TENM4: variants seen among roughly 807,000 people sequenced by gnomAD.
TENM4 encodes the protein teneurin transmembrane protein 4.
Under a neutral mutation model 243.3 loss-of-function variants are expected in TENM4, and 82 were observed. That is an observed-to-expected ratio of 0.34 (90% CI 0.28 to 0.40). The LOEUF (loss-of-function observed/expected upper bound fraction) is 0.40. Among genes scored for constraint, TENM4 ranks in the 10% least tolerant of loss-of-function variants. The pLI is 1.00. For synonymous variants in TENM4, 1,412 were observed against 1,456.3 expected, an observed-to-expected ratio of 0.97 and a Z score of 0.69; for missense variants, 3,138 against 3,673.3, an observed-to-expected ratio of 0.85 and a Z score of 3.77.
intron 1 of TENM4, among the ~76,000 whole-genome samples, chr11:79,336,226 G>C (rs562102395): frequency 1.3e-5 from 2 of 152,286 alleles, no homozygotes; most frequent in African/African-American, 4.8e-5. Context: ...AGTCCATAGA[G>C]CCCAAATCAT....
chr11:78,690,351 G>T (rs1377739826), intron 28 of TENM4, among the ~76,000 whole-genome samples: 3 of 152,164 alleles, frequency 2.0e-5, no homozygotes, highest in Admixed American at 2.0e-4. Flanking sequence ...ACCATTTGTG[G>T]CCACTGGAAA....
intron 4 of TENM4, among the ~76,000 whole-genome samples, chr11:79,078,981 T>C (rs1365101818): frequency 6.6e-6 from 1 of 152,244 alleles, no homozygotes; most frequent in African/African-American, 2.4e-5. Flanking sequence ...AATGTTCTAT[T>C]TGTTCTTTCA....
intron 6 of TENM4, among the ~76,000 whole-genome samples, chr11:78,930,680 T>C (rs189672969): frequency 2.0e-5 from 3 of 152,366 alleles, no homozygotes; most frequent in Admixed American, 2.0e-4. Flanking sequence ...TTGCTGAATG[T>C]GACAAAGGTC....
intron 17 of TENM4, among the ~76,000 whole-genome samples, chr11:78,772,631 GC>G (rs1415388032): frequency 1.1e-4 from 17 of 150,308 alleles, no homozygotes; most frequent in Admixed American, 1.1e-3. Context: ...GGCCAAGATA[GC>G]CACTCACTAA....
intron 1 of TENM4, among the ~76,000 whole-genome samples, chr11:79,394,410 T>A (rs1208973924): frequency 6.6e-6 from 1 of 152,190 alleles, no homozygotes; most frequent in Non-Finnish European, 1.5e-5. Context: ...CTTCTGTCAC[T>A]TCTACACTGT....
intron 6 of TENM4, among the ~76,000 whole-genome samples, chr11:78,983,789 G>A (rs1857857624): frequency 6.6e-6 from 1 of 152,140 alleles, no homozygotes; most frequent in Non-Finnish European, 1.5e-5. Flanking sequence ...ATCCTGTGGG[G>A]GTGGGGCTGG....
At chr11:78,877,015 C>T (rs1859284166) in intron 9 of TENM4, among the ~76,000 whole-genome samples, 1 of 152,204 alleles carries the variant, frequency 6.6e-6, no homozygotes, top group Admixed American at 6.5e-5. Context: ...CACTTAGATA[C>T]TAATTGACAT....
chr11:78,836,902 G>A (rs1858129268), intron 12 of TENM4, among the ~76,000 whole-genome samples: 1 of 152,200 alleles, frequency 6.6e-6, no homozygotes, highest in Non-Finnish European at 1.5e-5. Context: ...TAACAGAGCT[G>A]ACAAAACATA....
Position 78,657,886 on chromosome 11 carries a change from A to C in TENM4, c.*172T>G, listed in dbSNP as rs1857933110. On this transcript the variant is annotated 3_prime_UTR_variant, in exon 34 of 34. Coordinates refer to ENST00000278550, the MANE Select transcript of TENM4 (RefSeq NM_001098816.3). ...TCTTTGCAAAAAATGTGCGAAGGCCAAATCTGTGTTTTTCTTTTCTAAAAA... is the reference window on the plus strand; with the variant it reads ...TCTTTGCAAAAAATGTGCGAAGGCCCAATCTGTGTTTTTCTTTTCTAAAAA... 1.8e-6 allele frequency: 2 copies of C among 1,091,948 alleles called. No individual in the cohort carries two copies. Among genetic ancestry groups the C allele is most frequent in the Non-Finnish European group, 1.4e-6 (1 of 732,640 alleles). 67.6% of individuals were successfully genotyped at this position (1,091,948 alleles called of 1,614,324 possible). A position where few individuals can be genotyped will look rare whatever the true frequency, so the allele number is the denominator to read the frequency against.
At position 78,949,642 on chromosome 11, in the gene TENM4, G is replaced by A. The variant is rs573394078; in HGVS notation, c.494-46119C>T. On this transcript the variant is annotated intron_variant, in intron 6 of 33. Transcript: ENST00000278550. The stretch of plus-strand genomic sequence containing the variant: ...CTAAATGGTGTTGCTCACAAGACTA[G>A]GGGCTTGGGGAAGGATCAGAGGGGC... 4.6e-5 allele frequency among the ~76,000 whole-genome samples: 7 copies of A among 152,326 alleles called. No individual in the cohort carries two copies. In the South Asian group the frequency reaches 1.4e-3, roughly 32 times the overall value.
rs1408436700 is a variant in TENM4 at position 78,814,484 on chromosome 11, C to A, written c.1682-89G>T. 9.8e-6 allele frequency: 11 copies of A among 1,128,074 alleles called. No individual in the cohort carries two copies. In the African/African-American group the frequency reaches 1.8e-4, roughly 18 times the overall value. 69.9% of individuals were successfully genotyped at this position (1,128,074 alleles called of 1,614,324 possible). A position where few individuals can be genotyped will look rare whatever the true frequency, so the allele number is the denominator to read the frequency against. On this transcript the variant is annotated intron_variant, in intron 12 of 33. Transcript: ENST00000278550. ...AATCAAGCTTTAGGTTAGCCAAGAC[C>A]CACATATTTGAGCTCTTGTGGCCCC...
chr11:78,760,761 G>C (rs1479542077), intron 18 of TENM4, among the ~76,000 whole-genome samples: 2 of 152,174 alleles, frequency 1.3e-5, no homozygotes, highest in African/African-American at 4.8e-5. Context: ...AATGCTTAGA[G>C]GATCTTCTAG....
chr11:78,882,011 T>C (rs1855442004), intron 9 of TENM4, among the ~76,000 whole-genome samples: 1 of 152,242 alleles, frequency 6.6e-6, no homozygotes, highest in Non-Finnish European at 1.5e-5. Context: ...TATCACTTTT[T>C]CCTCCTTCTA....
chr11:79,179,481 T>A (rs377495247), intron 3 of TENM4, among the ~76,000 whole-genome samples: 2 of 152,334 alleles, frequency 1.3e-5, no homozygotes, highest in East Asian at 1.9e-4. Flanking sequence ...ATAAACTGTT[T>A]TAGATAAGCT....
At chr11:79,324,810 C>T (rs1856947487) in intron 1 of TENM4, among the ~76,000 whole-genome samples, 1 of 152,100 alleles carries the variant, frequency 6.6e-6, no homozygotes, top group African/African-American at 2.4e-5. Flanking sequence ...CCATCTCCAT[C>T]AAGGGTTCAT....
chr11:78,714,906 A>G (rs967871494), intron 25 of TENM4, among the ~76,000 whole-genome samples: 2 of 152,296 alleles, frequency 1.3e-5, no homozygotes, highest in Admixed American at 6.5e-5. Context: ...GATAGGACAT[A>G]ATGCTGTGAC....
intron 6 of TENM4, among the ~76,000 whole-genome samples, chr11:79,028,505 C>T (rs564910061): frequency 6.6e-6 from 1 of 152,342 alleles, no homozygotes; most frequent in Non-Finnish European, 1.5e-5. Context: ...CTGGGCTGGC[C>T]TTTCAGAGTT....
At chr11:78,986,320 G>A (rs1197210564) in intron 6 of TENM4, among the ~76,000 whole-genome samples, 1 of 152,192 alleles carries the variant, frequency 6.6e-6, no homozygotes, top group Non-Finnish European at 1.5e-5. Flanking sequence ...CAGACACTGA[G>A]CTAAGTGATT....
chr11:78,657,991 C>T lies in TENM4; in HGVS notation c.*67G>A. The T allele has an allele frequency of 6.2e-7, 1 of 1,603,662 alleles. No homozygotes were observed. Among genetic ancestry groups the T allele is most frequent in the Non-Finnish European group, 8.5e-7 (1 of 1,172,748 alleles). On this transcript the variant is annotated 3_prime_UTR_variant, in exon 34 of 34. Coordinates refer to ENST00000278550, the MANE Select transcript of TENM4 (RefSeq NM_001098816.3). ...TTAAAAAATCATTTTTTTAAAAGTA[C>T]AACACAGTCAGGTATGCGGCCACAA...
Sources: allele counts gnomAD v4.1 joint callset (sites outside exome capture counted in the v4.1 genomes callset), GRCh38; gene constraint gnomAD v4.1.1; transcripts MANE v1.5; gene names NCBI Gene and HGNC (gene_info 2026-07-23, HGNC 2026-07-21).